Variants in LIPA observed in about 807,000 individuals in gnomAD.
The protein encoded by LIPA is lysosomal acid lipase/cholesteryl ester hydrolase.
In LIPA, 26 loss-of-function variants were observed where a neutral mutation model predicts 40.6. The observed-to-expected ratio is 0.64, with a 90% confidence interval of 0.47 to 0.89. LIPA has a LOEUF of 0.89. Among genes scored for constraint, LIPA ranks in the 40% least tolerant of loss-of-function variants. The pLI is 0.00. For missense variants in LIPA, 455 were observed against 479.6 expected, an observed-to-expected ratio of 0.95 and a Z score of 0.48; for synonymous variants, 188 against 168.4, an observed-to-expected ratio of 1.12 and a Z score of -0.90.
At chr10:89,375,049 G>A (rs1844112490) in intron 2 of LIPA, among the ~76,000 whole-genome samples, 1 of 152,220 alleles carries the variant, frequency 6.6e-6, no homozygotes, top group African/African-American at 2.4e-5. Context: ...CCAGCTAATG[G>A]TCAGCACAGA....
intron 2 of LIPA, among the ~76,000 whole-genome samples, chr10:89,379,604 G>C (rs1418320221): frequency 6.6e-6 from 1 of 152,130 alleles, no homozygotes; most frequent in East Asian, 1.9e-4. Flanking sequence ...CAGAAAAAGG[G>C]GCTGCTCTTT....
chr10:89,386,776 A>G (rs1844212850), intron 2 of LIPA, among the ~76,000 whole-genome samples: 2 of 152,330 alleles, frequency 1.3e-5, no homozygotes, highest in South Asian at 2.1e-4. Flanking sequence ...ATTCATCACA[A>G]ATAAAATAAA....
chr10:89,370,157 T>C (rs1844083748), intron 2 of LIPA, among the ~76,000 whole-genome samples: 2 of 152,210 alleles, frequency 1.3e-5, no homozygotes, highest in African/African-American at 4.8e-5. Context: ...CTAGTTACAC[T>C]TGCAGTGCTC....
At chr10:89,277,227 C>T (rs569947914) in intron 1 of LIPA, among the ~76,000 whole-genome samples, 1 of 152,294 alleles carries the variant, frequency 6.6e-6, no homozygotes, top group Admixed American at 6.5e-5. Context: ...GGCTGCAATA[C>T]GAGAGGAAAT....
rs1842622164 is a variant in LIPA, at chr10:89,216,024, A to C, written c.895-15T>G. 6.3e-7 allele frequency: 1 copy of C among 1,584,694 alleles called. No homozygotes were observed. The highest frequency in any genetic ancestry group is 1.3e-5 in the African/African-American group (1 of 74,474). On this transcript the variant is annotated splice_polypyrimidine_tract_variant and intron_variant, in intron 8 of 9. Transcript: ENST00000336233. ...AATTTAACAGCCTAAAAAGAAGATA[A>C]TTTGGAAAAGAGTTATCTGACACCA...
chr10:89,330,758 C>A (rs1025377154), intron 1 of LIPA, among the ~76,000 whole-genome samples: 1 of 149,882 alleles, frequency 6.7e-6, no homozygotes, highest in Non-Finnish European at 1.5e-5. Context: ...ACTCAAGATG[C>A]CTGATAATGC....
intron 1 of LIPA, among the ~76,000 whole-genome samples, chr10:89,250,089 T>TTTC (rs1467918966): frequency 2.4e-4 from 22 of 90,876 alleles, no homozygotes; most frequent in South Asian, 1.3e-3. Flanking sequence ...TTCTTTTTCT[T>TTTC]TTTCTTTTCT....
intron 1 of LIPA, chr10:89,332,487 C>T (rs1027777665): frequency 9.6e-6 from 15 of 1,554,426 alleles, no homozygotes; most frequent in Non-Finnish European, 1.2e-5. Context: ...GTTTCACTTT[C>T]CTTTCCCCTT....
At chr10:89,346,991 T>C (rs960935906), upstream of LIPA, among the ~76,000 whole-genome samples, 8 of 152,244 alleles carry the variant, frequency 5.3e-5, no homozygotes, top group African/African-American at 1.7e-4. Context: ...CCTGCTGCAT[T>C]GTTTTTTTCT....
chr10:89,321,301 A>C (rs1843570619), intron 1 of LIPA, among the ~76,000 whole-genome samples: 1 of 152,178 alleles, frequency 6.6e-6, no homozygotes, highest in Non-Finnish European at 1.5e-5. Flanking sequence ...GTGGGAGAAA[A>C]TTTTTACAAT....
chr10:89,334,835 G>C (rs1334198279), intron 1 of LIPA, among the ~76,000 whole-genome samples: 1 of 151,870 alleles, frequency 6.6e-6, no homozygotes, highest in Non-Finnish European at 1.5e-5. Flanking sequence ...CATCCCACCT[G>C]CCTGCTTGTA....
intron 2 of LIPA, chr10:89,405,886 T>C (rs529630938): frequency 6.6e-6 from 1 of 152,014 alleles, no homozygotes; most frequent in South Asian, 2.1e-4. Context: ...TGGCCATGGA[T>C]ACGATTGCGG....
At chr10:89,388,397 C>T (rs545015010) in intron 2 of LIPA, among the ~76,000 whole-genome samples, 3 of 152,258 alleles carry the variant, frequency 2.0e-5, no homozygotes, top group African/African-American at 4.8e-5. Context: ...TGAATCACCG[C>T]GCCTGGCCGA....
chr10:89,389,082 T>C (rs529505453), intron 2 of LIPA, among the ~76,000 whole-genome samples: 12 of 152,174 alleles, frequency 7.9e-5, no homozygotes, highest in Non-Finnish European at 1.6e-4. Flanking sequence ...CCTCAGAAAA[T>C]AGGCTATAGC....
chr10:89,403,041 T>C, intron 2 of LIPA: 1 of 1,614,236 alleles, frequency 6.2e-7, no homozygotes, highest in Non-Finnish European at 8.5e-7. Context: ...TGTCTTTCGA[T>C]ATGCAGCCAA....
At chr10:89,254,379 G>T (rs531679241), upstream of LIPA, among the ~76,000 whole-genome samples, 1 of 152,362 alleles carries the variant, frequency 6.6e-6, no homozygotes, top group African/African-American at 2.4e-5. Flanking sequence ...ACCCTGTGAA[G>T]CCATGGCCTG....
chr10:89,234,909 T>C (rs541171309), intron 3 of LIPA, among the ~76,000 whole-genome samples: 2 of 152,286 alleles, frequency 1.3e-5, no homozygotes, highest in African/African-American at 4.8e-5. Flanking sequence ...CAGGGAATTG[T>C]GGTAAAGAAG....
chr10:89,254,513 A>G (rs1843171503), upstream of LIPA, among the ~76,000 whole-genome samples: 1 of 152,150 alleles, frequency 6.6e-6, no homozygotes, highest in South Asian at 2.1e-4. Context: ...TTTTCCTCCT[A>G]GGCCTCTGGG....
chr10:89,337,694 T>C lies in LIPA; in HGVS notation c.-2+4917A>G, dbSNP rs1843765795. 2.0e-5 allele frequency among the ~76,000 whole-genome samples: 3 copies of C among 152,366 alleles called. No homozygotes were observed. In the South Asian group the frequency reaches 6.2e-4, roughly 32 times the overall value. The stretch of plus-strand genomic sequence containing the variant: ...GACTACAGGCATGAGTCACCATTCC[T>C]GGCTGACTTGGTAATTGAGCAGCGT... On this transcript the variant is annotated intron_variant, in intron 1 of 5. Coordinates refer to the LIPA transcript ENST00000282673.
Sources: gnomAD v4.1 joint callset for allele counts (sites outside exome capture counted in the v4.1 genomes callset) on GRCh38, gnomAD v4.1.1 for gene constraint, MANE v1.5 for transcripts, NCBI Gene and HGNC (gene_info 2026-07-23, HGNC 2026-07-21) for gene names.